Variants in TTC23L observed in about 807,000 individuals in gnomAD.
TTC23L encodes tetratricopeptide repeat domain 23 like.
A neutral mutation model predicts 48.1 loss-of-function variants in TTC23L; 42 were observed. The observed-to-expected ratio is 0.87, with a 90% CI of 0.68 to 1.13. The LOEUF (loss-of-function observed/expected upper bound fraction) is 1.13. TTC23L is among the 50% of genes most tolerant of loss of function. TTC23L has a pLI of 0.00. For missense variants in TTC23L, 391 were observed against 421.0 expected, an observed-to-expected ratio of 0.93 and a Z score of 0.62; for synonymous variants, 159 against 157.2, an observed-to-expected ratio of 1.01 and a Z score of -0.09.
intron 9 of TTC23L, chr5:34,880,521 C>G: frequency 5.7e-6 from 3 of 524,540 alleles, no homozygotes; most frequent in Non-Finnish European, 9.9e-6. Flanking sequence ...CTCTGTCCGA[C>G]AAGATTTAGT....
chr5:34,914,818 C>T, the TTC23L span: 1 of 1,614,200 alleles, frequency 6.2e-7, no homozygotes. Flanking sequence ...TGGAGAGATT[C>T]CTAACGTTGT....
chr5:34,908,171 CT>C, the TTC23L span: 1,810 of 127,196 alleles, frequency 0.014, 8 homozygotes, highest in Non-Finnish European at 0.019. Flanking sequence ...AGCCTTTAGA[CT>C]TTTTTTTTTT....
chr5:34,911,529 C>G, the TTC23L span: 1 of 1,611,580 alleles, frequency 6.2e-7, no homozygotes, highest in East Asian at 2.2e-5. Flanking sequence ...ACCACATTAA[C>G]TATAACTGCA....
rs3733820 is a variant in TTC23L at position 34,896,615 on chromosome 5, G to A, written c.1078-155G>A. Among the ~76,000 whole-genome samples, 9 of 152,242 alleles carry A rather than the reference G, an allele frequency of 5.9e-5. No individual in the cohort carries two copies. In the East Asian group the frequency reaches 1.7e-3, roughly 29 times the overall value. ...AATAAAACATGGTCATTAATCTTAAGGGGACAACATTCTAGTGTAAGAGAA... is the reference window on the plus strand; with the variant it reads ...AATAAAACATGGTCATTAATCTTAAAGGGACAACATTCTAGTGTAAGAGAA... On this transcript the variant is annotated intron_variant, in intron 9 of 10. Transcript: ENST00000505624.
chr5:34,845,557 A>G, exon 3 of TTC23L: 1 of 1,613,930 alleles, frequency 6.2e-7, no homozygotes. Flanking sequence ...GTGTGGAGAG[A>G]GTGAAGAGGA....
At chr5:34,911,939 C>T in the TTC23L span, 1 of 1,136,434 alleles carries the variant, frequency 8.8e-7, no homozygotes, top group Non-Finnish European at 1.3e-6. Context: ...TATGTATCTC[C>T]TCATAAAAAG....
At chr5:34,906,777 A>G in the TTC23L span, 1 of 152,364 alleles carries the variant, frequency 6.6e-6, no homozygotes, top group Non-Finnish European at 1.5e-5. Context: ...AATGCCCATT[A>G]TATGTTAGGC....
At chr5:34,903,374 T>C (rs1434882107), downstream of TTC23L, among the ~76,000 whole-genome samples, 2 of 152,078 alleles carry the variant, frequency 1.3e-5, no homozygotes, top group African/African-American at 4.8e-5. Flanking sequence ...AAGCTAGAGA[T>C]TTCCCATTTA....
At chr5:34,889,391 A>C (rs1354496960) in intron 9 of TTC23L, among the ~76,000 whole-genome samples, 1 of 152,176 alleles carries the variant, frequency 6.6e-6, no homozygotes, top group East Asian at 1.9e-4. Context: ...ATTGCTGCTG[A>C]GAGTTAGGAC....
At chr5:34,840,532 C>T (rs1477334855) in intron 1 of TTC23L, 133 bp from the exon 2 acceptor site, 15 of 721,344 alleles carry the variant, frequency 2.1e-5, no homozygotes, top group African/African-American at 5.3e-5. Flanking sequence ...TCTAAGTATG[C>T]GTAGTCTGTG....
chr5:34,909,348 G>A, the TTC23L span: 1 of 1,593,468 alleles, frequency 6.3e-7, no homozygotes, highest in Non-Finnish European at 8.6e-7. Context: ...ATTTCCAAAA[G>A]TAGATAACCT....
At chr5:34,859,898 C>G (rs1188519103) in intron 4 of TTC23L, among the ~76,000 whole-genome samples, 1 of 125,410 alleles carries the variant, frequency 8.0e-6, no homozygotes, top group Non-Finnish European at 1.6e-5. Flanking sequence ...GGCTGGAGTG[C>G]AGTAGCGTGA....
chr5:34,915,776 C>T, the TTC23L span: 22 of 1,600,704 alleles, frequency 1.4e-5, no homozygotes, highest in Non-Finnish European at 1.9e-5. Flanking sequence ...GGAGGCTTTG[C>T]AGTTCAGGCG....
At chr5:34,854,869 T>C (rs1290219966) in intron 4 of TTC23L, among the ~76,000 whole-genome samples, 3 of 152,132 alleles carry the variant, frequency 2.0e-5, no homozygotes, top group African/African-American at 7.2e-5. Flanking sequence ...GACATAACTA[T>C]GAGGGAAGGC....
chr5:34,874,019 G>A (rs952370316), intron 8 of TTC23L, among the ~76,000 whole-genome samples: 2 of 152,128 alleles, frequency 1.3e-5, no homozygotes, highest in African/African-American at 2.4e-5. Context: ...TATATAAGGA[G>A]TTTGGAAGTC....
intron 4 of TTC23L, among the ~76,000 whole-genome samples, chr5:34,853,172 A>T (rs536548459): frequency 1.2e-4 from 18 of 152,286 alleles, no homozygotes; most frequent in African/African-American, 4.1e-4. Flanking sequence ...GAAAGATGTT[A>T]GTCTGGGAGA....
At chr5:34,923,301 C>CTCTGTCTCAAA in the TTC23L span, 5 of 1,269,876 alleles carry the variant, frequency 3.9e-6, no homozygotes, top group Non-Finnish European at 5.7e-6. Context: ...TGTTTTGAGA[C>CTCTGTCTCAAA]AGAGTCTCGC....
chr5:34,915,050 G>A, the TTC23L span: 2 of 680,664 alleles, frequency 2.9e-6, no homozygotes, highest in African/African-American at 1.8e-5. Context: ...GGGCTGGGAG[G>A]CTGAACACGG....
intron 9 of TTC23L, among the ~76,000 whole-genome samples, chr5:34,881,509 A>C (rs955379521): frequency 2.0e-5 from 3 of 152,228 alleles, no homozygotes; most frequent in Non-Finnish European, 4.4e-5. Flanking sequence ...CAGAAGAGTG[A>C]GAAATATGGA....
Sources: gnomAD v4.1 joint callset for allele counts (sites outside exome capture counted in the v4.1 genomes callset) on GRCh38, gnomAD v4.1.1 for gene constraint, MANE v1.5 for transcripts, NCBI Gene and HGNC (gene_info 2026-07-23, HGNC 2026-07-21) for gene names.